The following EFCAB14 variants were observed in gnomAD, a reference collection of about 807,000 sequenced individuals.
EFCAB14 encodes the protein EF-hand calcium-binding domain-containing protein 14.
EFCAB14 carries 43 observed loss-of-function variants against 56.5 expected under a neutral mutation model. The observed-to-expected ratio is 0.76, with a 90% CI of 0.60 to 0.98. The LOEUF is 0.98. EFCAB14 is among the 50% of genes least tolerant of loss of function. The pLI, the probability that EFCAB14 is intolerant of heterozygous loss-of-function variation, is 0.00. For missense variants in EFCAB14, 538 were observed against 580.3 expected (o/e 0.93, Z 0.75); for synonymous variants, 235 against 212.9 (o/e 1.10, Z -0.90).
At chr1:46,679,613 T>C (rs1233305936) in intron 10 of EFCAB14, among the ~76,000 whole-genome samples, 1 of 126,866 alleles carries the variant, frequency 7.9e-6, no homozygotes, top group Non-Finnish European at 1.7e-5. Context: ...TTTTTTTTTT[T>C]TTTTTTTTTT....
chr1:46,686,910 T>C (rs1162499859), intron 7 of EFCAB14, 40 bp from the exon 8 acceptor site: 11 of 1,592,632 alleles, frequency 6.9e-6, no homozygotes, highest in African/African-American at 1.3e-5. Context: ...AAAGGGAAGA[T>C]TAAAGGCAAA....
At position 46,715,587 on chromosome 1, in the gene EFCAB14, G is replaced by A. The variant is rs549422031; in HGVS notation, c.334+708C>T. ...ATTCTTTCTCAAATGGCCCTGTGAG[G>A]TGGAAGGAATAGCCCAGTGTTGTCA... On this transcript the variant is annotated intron_variant, in intron 2 of 10. Transcript: ENST00000371933. Among the ~76,000 whole-genome samples, 12 of 152,148 alleles carry A rather than the reference G, an allele frequency of 7.9e-5. No homozygotes were observed. The South Asian group carries it at 1.7e-3, about 21-fold the overall frequency.
In EFCAB14 at chr1:46,717,932, A is replaced by G. The variant is rs773134182; in HGVS notation, c.156T>C (p.Gly52=). Residue 52 remains glycine, a synonymous_variant, in exon 1 of 11, where the codon GGT becomes GGC. Coordinates refer to ENST00000371933, the MANE Select transcript of EFCAB14 (RefSeq NM_014774.3). The part of the protein sequence containing the change: ...ESSSEEEEEF[G]VVGNRSRFAK... ...CAAAGCGAGAGCGATTTCCAACCAC[A>G]CCGAATTCCTCTTCCTCTTCGGAGC... is the stretch of plus-strand genomic sequence containing the variant. The G allele has an allele frequency of 1.9e-6, 3 of 1,613,784 alleles. No individual in the cohort carries two copies. Among genetic ancestry groups the G allele is most frequent in the Non-Finnish European group, 2.5e-6 (3 of 1,179,924 alleles).
In EFCAB14 at chr1:46,675,311, A is replaced by C. The variant is rs1211839366; in HGVS notation, c.*3150T>G. ...ATACATTACCAAAATAGCTTCACTA[A>C]AACAAAGTAGATTTAAATTTCTTAA... On this transcript the variant is annotated 3_prime_UTR_variant, in exon 11 of 11. Coordinates refer to ENST00000371933, the MANE Select transcript of EFCAB14 (RefSeq NM_014774.3). 6.6e-6 allele frequency: 1 copy of C among 152,642 alleles called. No individual in the cohort carries two copies. The highest frequency in any genetic ancestry group is 1.5e-5 in the Non-Finnish European group (1 of 68,040). 9.5% of individuals were successfully genotyped at this position (152,642 alleles called of 1,614,324 possible).
At chr1:46,684,655 A>G in intron 8 of EFCAB14, 53 bp from the exon 9 acceptor site, 1 of 1,420,460 alleles carries the variant, frequency 7.0e-7, no homozygotes, top group African/African-American at 1.4e-5. Context: ...GACTTCATCT[A>G]AGTGTCCACT....
At chr1:46,691,396 A>G (rs1439472602) in intron 5 of EFCAB14, among the ~76,000 whole-genome samples, 1 of 152,216 alleles carries the variant, frequency 6.6e-6, no homozygotes, top group African/African-American at 2.4e-5. Context: ...CCTTTCATCC[A>G]CGAGCACATG....
chr1:46,688,606 A>C lies in EFCAB14; in HGVS notation c.796-62T>G. The C allele has an allele frequency of 5.0e-6, 7 of 1,405,034 alleles. No homozygotes were observed. The Admixed American group carries it at 1.3e-4, about 27-fold the overall frequency. The allele number at this position is 1,405,034 out of a possible 1,614,324, so 87.0% of individuals were successfully genotyped here. ...AAGACGTAAATTAGACAAGCAGGCC[A>C]GCAGCACCGAACAACCATTACTATG... On this transcript the variant is annotated intron_variant, in intron 6 of 10. Coordinates refer to ENST00000371933, the MANE Select transcript of EFCAB14 (RefSeq NM_014774.3).
rs1427341236 is a variant in EFCAB14, at chr1:46,714,635, T to C, written c.334+1660A>G. Among the ~76,000 whole-genome samples the C allele has an allele frequency of 4.0e-5, 6 of 151,604 alleles. No individual in the cohort carries two copies. In the East Asian group the frequency reaches 7.7e-4, roughly 20 times the overall value. ...AGCAAAACCCTGTCTTTTACAAACA[T>C]ACAAAAATTAGCAGAGGGTGGCGCG... On this transcript the variant is annotated intron_variant, in intron 2 of 10. Coordinates refer to ENST00000371933, the MANE Select transcript of EFCAB14 (RefSeq NM_014774.3).
chr1:46,702,074 G>T (rs919046378), intron 3 of EFCAB14, among the ~76,000 whole-genome samples: 11 of 152,190 alleles, frequency 7.2e-5, no homozygotes, highest in Admixed American at 7.2e-4. Context: ...TTGGAATTCA[G>T]AGTCTAAAAA....
chr1:46,714,246 C>A (rs7547522), intron 2 of EFCAB14, among the ~76,000 whole-genome samples: 1 of 151,986 alleles, frequency 6.6e-6, no homozygotes, highest in Non-Finnish European at 1.5e-5. Flanking sequence ...GGCTTAAGAT[C>A]GAAAGTAAGA....
In EFCAB14 at chr1:46,696,587, C is replaced by G; in HGVS notation, c.543G>C (p.Leu181Phe). Residue 181 changes from leucine (L) to phenylalanine (F), a missense_variant, in exon 4 of 11, where the codon TTG becomes TTC. Coordinates refer to ENST00000371933, the MANE Select transcript of EFCAB14 (RefSeq NM_014774.3). Reference protein sequence around the residue: ...LKANVKSAADLISLPTTVEGL... With the variant: ...LKANVKSAADFISLPTTVEGL... ...CCTCTACAGTGGTAGGCAGGCTAAT[C>G]AAGTCTGCAGCTGACTTAACATTGG... The G allele has an allele frequency of 6.2e-7, 1 of 1,613,636 alleles. No individual in the cohort carries two copies. The highest frequency in any genetic ancestry group is 1.1e-5 in the South Asian group (1 of 91,044).
At chr1:46,690,537 A>G (rs192259618) in intron 5 of EFCAB14, among the ~76,000 whole-genome samples, 33 of 152,322 alleles carry the variant, frequency 2.2e-4, no homozygotes, top group Admixed American at 2.1e-3. Context: ...GGAGAGAAGG[A>G]GGGGGGAATC....
intron 3 of EFCAB14, among the ~76,000 whole-genome samples, chr1:46,705,748 G>A (rs1347336949): frequency 6.6e-6 from 1 of 152,086 alleles, no homozygotes; most frequent in African/African-American, 2.4e-5. Context: ...TTCATCTTTT[G>A]TAAATGTATG....
intron 10 of EFCAB14, among the ~76,000 whole-genome samples, chr1:46,678,847 G>A (rs1676740467): frequency 6.6e-6 from 1 of 151,298 alleles, no homozygotes; most frequent in African/African-American, 2.4e-5. Flanking sequence ...AAAAGGCTGG[G>A]TGCAGTGGCT....
intron 2 of EFCAB14, among the ~76,000 whole-genome samples, chr1:46,713,150 A>C (rs1370060155): frequency 6.6e-6 from 1 of 151,344 alleles, no homozygotes; most frequent in Non-Finnish European, 1.5e-5. Context: ...AATAACTCCT[A>C]AGTAGTCTAT....
At chr1:46,712,305 C>G (rs1677321167) in intron 2 of EFCAB14, among the ~76,000 whole-genome samples, 1 of 152,094 alleles carries the variant, frequency 6.6e-6, no homozygotes, top group African/African-American at 2.4e-5. Context: ...TTCCAAATTT[C>G]TTTTCATTTA....
chr1:46,713,200 C>T (rs1353824289), intron 2 of EFCAB14, among the ~76,000 whole-genome samples: 2 of 152,146 alleles, frequency 1.3e-5, no homozygotes, highest in Non-Finnish European at 2.9e-5. Flanking sequence ...CCATTCCCTA[C>T]CCTCCCTCAG....
intron 6 of EFCAB14, 146 bp from the exon 7 acceptor site, chr1:46,688,690 T>C: frequency 1.4e-6 from 1 of 733,956 alleles, no homozygotes; most frequent in Admixed American, 2.9e-5. Context: ...TGTCTTTGCT[T>C]TGTCCCTCGC....
chr1:46,680,658 T>C (rs1397374107), intron 10 of EFCAB14, among the ~76,000 whole-genome samples: 1 of 152,198 alleles, frequency 6.6e-6, no homozygotes, highest in African/African-American at 2.4e-5. Flanking sequence ...ATAGTGGTGA[T>C]GGTTGCATGA....
Sources: allele counts gnomAD v4.1 joint callset (sites outside exome capture counted in the v4.1 genomes callset), GRCh38; gene constraint gnomAD v4.1.1; transcripts MANE v1.5; gene names NCBI Gene and HGNC (gene_info 2026-07-23, HGNC 2026-07-21).